Variants in FOXP2 observed in about 807,000 individuals in gnomAD.
FOXP2 encodes forkhead box protein P2.
Under a neutral mutation model 115.8 loss-of-function variants are expected in FOXP2, and 12 were observed. That is an observed-to-expected ratio of 0.10 (90% CI 0.07 to 0.17). The LOEUF is 0.17. FOXP2 is among the 10% of genes least tolerant of loss of function. The probability of loss-of-function intolerance (pLI) is 1.00; values close to 1 mark genes in which losing one functional copy is unlikely to be tolerated. For missense variants in FOXP2, 629 were observed against 843.5 expected, an observed-to-expected ratio of 0.75 and a Z score of 3.15; for synonymous variants, 328 against 297.7, an observed-to-expected ratio of 1.10 and a Z score of -1.05.
chr7:114,687,301 T>C (rs1438410211), intron 16 of FOXP2, among the ~76,000 whole-genome samples: 1 of 152,198 alleles, frequency 6.6e-6, no homozygotes, highest in Non-Finnish European at 1.5e-5. Context: ...AATACCCTGC[T>C]AATGACGTTA....
At chr7:114,520,980 T>C (rs940891653) in intron 2 of FOXP2, among the ~76,000 whole-genome samples, 1 of 152,126 alleles carries the variant, frequency 6.6e-6, no homozygotes, top group African/African-American at 2.4e-5. Flanking sequence ...TATTTAAAAT[T>C]ACAAAAATGG....
chr7:114,250,438 C>T (rs1332404800), intron 1 of FOXP2, among the ~76,000 whole-genome samples: 6 of 152,168 alleles, frequency 3.9e-5, no homozygotes, highest in Admixed American at 3.9e-4. Flanking sequence ...CCTGTTTCTC[C>T]ACATCTTCTC....
chr7:114,524,851 A>G (rs1455177049), intron 2 of FOXP2, among the ~76,000 whole-genome samples: 1 of 152,178 alleles, frequency 6.6e-6, no homozygotes. Context: ...GTGACCCTAT[A>G]CATTGGGTGT....
At chr7:114,628,952 G>T (rs1312193958) in intron 4 of FOXP2, 1 of 385,102 alleles carries the variant, frequency 2.6e-6, no homozygotes, top group Non-Finnish European at 4.8e-6. Flanking sequence ...AAATGCTTAG[G>T]TACATTCAAT....
At chr7:114,622,995 C>A (rs1563040919) in intron 3 of FOXP2, among the ~76,000 whole-genome samples, 1 of 151,824 alleles carries the variant, frequency 6.6e-6, no homozygotes. Context: ...GACTATACCT[C>A]TTTTTATGGT....
rs185485692 is a variant in FOXP2, at chr7:114,090,658, T to C, written c.-247+2820T>C. Among the ~76,000 whole-genome samples the C allele has an allele frequency of 1.4e-4, 21 of 151,980 alleles. No homozygotes were observed. The East Asian group carries it at 4.0e-3, about 29-fold the overall frequency. Reference sequence around the variant, plus strand: ...CATGGTCTGCAAATATTCTAATGCCTAATTCAAATTTTAAATGTTGTAGTT... The same window carrying C: ...CATGGTCTGCAAATATTCTAATGCCCAATTCAAATTTTAAATGTTGTAGTT... On this transcript the variant is annotated intron_variant, in intron 1 of 19. Transcript: ENST00000635638.
At chr7:114,616,828 G>C (rs1445431769) in intron 3 of FOXP2, among the ~76,000 whole-genome samples, 1 of 152,128 alleles carries the variant, frequency 6.6e-6, no homozygotes, top group East Asian at 1.9e-4. Context: ...TAATCCCAGT[G>C]GTTTGGCAGC....
At chr7:114,244,052 A>G (rs1453246020) in intron 1 of FOXP2, among the ~76,000 whole-genome samples, 5 of 151,818 alleles carry the variant, frequency 3.3e-5, no homozygotes, top group Admixed American at 6.6e-5. Context: ...TGTTTTCTGT[A>G]TAGCCATGAT....
chr7:114,165,835 T>C lies in FOXP2; in HGVS notation c.-102+2747T>C, dbSNP rs1052196569. ...ATAATATTGAGGAAGAAAAAGAAAA[T>C]CGGAGGACTGACAGTCTCCAACTTT... On this transcript the variant is annotated intron_variant, in intron 1 of 17. Coordinates refer to the FOXP2 transcript ENST00000634411. Among the ~76,000 whole-genome samples, 11 of 152,214 alleles carry C rather than the reference T, an allele frequency of 7.2e-5. No homozygotes were observed. In the East Asian group the frequency reaches 1.7e-3, roughly 24 times the overall value.
chr7:114,675,024 G>C (rs927970877), intron 16 of FOXP2, among the ~76,000 whole-genome samples: 1 of 151,928 alleles, frequency 6.6e-6, no homozygotes, highest in Non-Finnish European at 1.5e-5. Flanking sequence ...TCTGTGATAT[G>C]TTAAATAAAC....
chr7:114,542,981 G>A (rs1042988130), intron 3 of FOXP2, among the ~76,000 whole-genome samples: 1 of 151,732 alleles, frequency 6.6e-6, no homozygotes, highest in Non-Finnish European at 1.5e-5. Context: ...AGTAGAGACG[G>A]GGTTTCACCC....
intron 1 of FOXP2, among the ~76,000 whole-genome samples, chr7:114,110,328 T>C (rs1791236923): frequency 6.6e-6 from 1 of 152,124 alleles, no homozygotes; most frequent in African/African-American, 2.4e-5. Context: ...CAAAAAACAA[T>C]AGAATTAAAA....
intron 3 of FOXP2, among the ~76,000 whole-genome samples, chr7:114,563,147 T>C (rs1302213209): frequency 6.6e-6 from 1 of 152,170 alleles, no homozygotes; most frequent in Non-Finnish European, 1.5e-5. Context: ...ATGATTCAGT[T>C]ACCTCCCACC....
intron 2 of FOXP2, among the ~76,000 whole-genome samples, chr7:114,350,390 G>T (rs150534602): frequency 6.6e-6 from 1 of 152,102 alleles, no homozygotes; most frequent in Non-Finnish European, 1.5e-5. Flanking sequence ...GTGAGAACAC[G>T]CAGTGTGCGG....
At chr7:114,548,227 C>T (rs556468175) in intron 3 of FOXP2, among the ~76,000 whole-genome samples, 7 of 152,308 alleles carry the variant, frequency 4.6e-5, no homozygotes, top group African/African-American at 1.7e-4. Flanking sequence ...GCAGCTGTCC[C>T]CTTTAATAAC....
chr7:114,313,865 T>C (rs1797210636), intron 2 of FOXP2, among the ~76,000 whole-genome samples: 1 of 152,192 alleles, frequency 6.6e-6, no homozygotes, highest in Non-Finnish European at 1.5e-5. Flanking sequence ...GTACGTATTA[T>C]GTTTAGGATA....
intron 1 of FOXP2, among the ~76,000 whole-genome samples, chr7:114,190,004 A>T (rs1262462190): frequency 6.6e-6 from 1 of 152,212 alleles, no homozygotes; most frequent in Non-Finnish European, 1.5e-5. Context: ...GGAAAAAAGA[A>T]GGCCTATGTA....
At chr7:114,654,889 A>G (rs192492323) in intron 10 of FOXP2, among the ~76,000 whole-genome samples, 68 of 152,194 alleles carry the variant, frequency 4.5e-4, no homozygotes, top group African/African-American at 1.5e-3. Flanking sequence ...GAAGACGACT[A>G]TATTGTCTAA....
At chr7:114,228,978 G>A (rs1471570490) in intron 1 of FOXP2, among the ~76,000 whole-genome samples, 1 of 151,198 alleles carries the variant, frequency 6.6e-6, no homozygotes, top group Non-Finnish European at 1.5e-5. Flanking sequence ...AAAAACAATA[G>A]CCAACTATAA....
Sources: allele counts gnomAD v4.1 joint callset (sites outside exome capture counted in the v4.1 genomes callset), GRCh38; gene constraint gnomAD v4.1.1; transcripts MANE v1.5; gene names NCBI Gene and HGNC (gene_info 2026-07-23, HGNC 2026-07-21).